The following RPS6KA2 variants were observed in gnomAD, a reference collection of about 807,000 sequenced individuals.
RPS6KA2 encodes ribosomal protein S6 kinase alpha-2.
A neutral mutation model predicts 91.8 loss-of-function variants in RPS6KA2; 42 were observed. The ratio of observed to expected loss-of-function variants is 0.46; its 90% CI spans 0.36 to 0.59. The LOEUF is 0.59. RPS6KA2 is among the 20% of genes least tolerant of loss of function. The pLI is 0.00. For synonymous variants in RPS6KA2, 414 were observed against 393.6 expected (o/e 1.05, Z -0.61); for missense variants, 798 against 978.5 (o/e 0.82, Z 2.46).
At chr6:166,796,340 C>T (rs1779223182) in intron 2 of RPS6KA2, among the ~76,000 whole-genome samples, 1 of 152,184 alleles carries the variant, frequency 6.6e-6, no homozygotes, top group Non-Finnish European at 1.5e-5. Flanking sequence ...CCTGTAATCC[C>T]AGCACTTTGG....
intron 1 of RPS6KA2, among the ~76,000 whole-genome samples, chr6:166,555,745 C>G (rs2128503199): frequency 6.6e-6 from 1 of 152,254 alleles, no homozygotes; most frequent in Admixed American, 6.5e-5. Context: ...TGAAAGGTGA[C>G]ACAGAATCAT....
intron 2 of RPS6KA2, among the ~76,000 whole-genome samples, chr6:166,756,824 C>T (rs11757967): frequency 0.29 from 44,107 of 151,994 alleles, 6,732 homozygotes; most frequent in Middle Eastern, 0.37. Flanking sequence ...CCAGCCTAGG[C>T]AACAACAGCG....
intron 2 of RPS6KA2, among the ~76,000 whole-genome samples, chr6:166,661,606 T>C (rs981807655): frequency 6.6e-6 from 1 of 152,102 alleles, no homozygotes; most frequent in Non-Finnish European, 1.5e-5. Context: ...AGTCTCCCTA[T>C]ATAATAAATA....
At position 166,648,143 on chromosome 6, in the gene RPS6KA2, C is replaced by A. The variant is rs7449690; in HGVS notation, c.124-109359G>T. Among the ~76,000 whole-genome samples, 1 of 151,530 alleles carries A rather than the reference C, an allele frequency of 6.6e-6. No individual in the cohort carries two copies. Among genetic ancestry groups the A allele is most frequent in the Non-Finnish European group, 1.5e-5 (1 of 67,906 alleles). ...ACGCTCATACACATACATGCACACA[C>A]GCACATGGTTACACACCCATGCACA... On this transcript the variant is annotated intron_variant, in intron 2 of 21. Transcript: ENST00000503859. This position sits in a 1 kb window ranked among gnomAD's most constrained non-coding sequence, Gnocchi z 4.8.
intron 5 of RPS6KA2, among the ~76,000 whole-genome samples, chr6:166,507,687 C>A (rs36215963): frequency 6.6e-6 from 1 of 150,504 alleles, no homozygotes; most frequent in African/African-American, 2.4e-5. Flanking sequence ...CAAACACACC[C>A]CCACATATAC....
intron 2 of RPS6KA2, among the ~76,000 whole-genome samples, chr6:166,673,823 T>TTGCC (rs1788546838): frequency 6.6e-6 from 1 of 152,250 alleles, no homozygotes; most frequent in Non-Finnish European, 1.5e-5. Flanking sequence ...CAAACTAAGC[T>TTGCC]TGCCGTAAGA....
chr6:166,447,863 G>A (rs1475297590), intron 14 of RPS6KA2, among the ~76,000 whole-genome samples: 1 of 152,216 alleles, frequency 6.6e-6, no homozygotes, highest in Non-Finnish European at 1.5e-5. Context: ...CTGGGACCTC[G>A]CTCTGCGACA....
intron 1 of RPS6KA2, among the ~76,000 whole-genome samples, chr6:166,570,236 A>G (rs528860845): frequency 2.6e-5 from 4 of 152,242 alleles, no homozygotes; most frequent in Non-Finnish European, 5.9e-5. Flanking sequence ...ACCCTCGGGG[A>G]GCAGCACTGA....
chr6:166,539,590 G>C (rs1307589266), intron 1 of RPS6KA2, among the ~76,000 whole-genome samples: 1 of 152,202 alleles, frequency 6.6e-6, no homozygotes, highest in East Asian at 1.9e-4. Flanking sequence ...TATTTCAGAA[G>C]AAGCAGTCAG....
chr6:166,474,452 C>G (rs1463854864), intron 10 of RPS6KA2, among the ~76,000 whole-genome samples: 1 of 152,186 alleles, frequency 6.6e-6, no homozygotes, highest in East Asian at 1.9e-4. Context: ...TAACCTTTCC[C>G]TCACTTTAAA....
chr6:166,450,997 T>A lies in RPS6KA2; in HGVS notation c.1206+106A>T, dbSNP rs552623242. Reference sequence around the variant, plus strand: ...AGAATTGGTGATTAAAGTCCACCCATCCTAAGCACCCAACCCCCGGGTGAC... The same window carrying A: ...AGAATTGGTGATTAAAGTCCACCCAACCTAAGCACCCAACCCCCGGGTGAC... On this transcript the variant is annotated intron_variant, in intron 13 of 20. Coordinates refer to ENST00000265678, the MANE Select transcript of RPS6KA2 (RefSeq NM_021135.6). The A allele has an allele frequency of 2.9e-3, 3,925 of 1,375,152 alleles. 11 individuals carry two copies. Among genetic ancestry groups the A allele is most frequent in the Middle Eastern group, 5.7e-3 (31 of 5,470 alleles). 85.2% of individuals were successfully genotyped at this position (1,375,152 alleles called of 1,614,324 possible). A position where few individuals can be genotyped will look rare whatever the true frequency, so the allele number is the denominator to read the frequency against.
intron 2 of RPS6KA2, among the ~76,000 whole-genome samples, chr6:166,654,459 C>A (rs1787948394): frequency 6.6e-6 from 1 of 152,184 alleles, no homozygotes; most frequent in African/African-American, 2.4e-5. Flanking sequence ...ACCCAAAATG[C>A]TTCAGTGTGC....
At position 166,643,303 on chromosome 6, in the gene RPS6KA2, G is replaced by A. The variant is rs887379842; in HGVS notation, c.124-104519C>T. ...ACTCTCTAGTTAAAAGACAAAGAGT[G>A]CCAAATAGGTTTACAATAAATTTAG... is the stretch of plus-strand genomic sequence containing the variant. On this transcript the variant is annotated intron_variant, in intron 2 of 21. Transcript: ENST00000503859. Among the ~76,000 whole-genome samples the A allele has an allele frequency of 2.0e-5, 3 of 152,094 alleles. No homozygotes were observed. The South Asian group carries it at 6.2e-4, about 32-fold the overall frequency.
At chr6:166,485,004 G>C (rs1781357631) in intron 10 of RPS6KA2, among the ~76,000 whole-genome samples, 1 of 152,210 alleles carries the variant, frequency 6.6e-6, no homozygotes, top group East Asian at 1.9e-4. Flanking sequence ...CGTGCCGGGG[G>C]AAACCTGAGG....
At chr6:166,446,443 C>G (rs573337691) in intron 14 of RPS6KA2, among the ~76,000 whole-genome samples, 1 of 152,296 alleles carries the variant, frequency 6.6e-6, no homozygotes, top group South Asian at 2.1e-4. Context: ...CCAACTTTGT[C>G]CAGGGAACTT....
Position 166,423,243 on chromosome 6 carries a change from G to T in RPS6KA2, c.1743+13C>A. On this transcript the variant is annotated intron_variant, in intron 17 of 20. Coordinates refer to ENST00000265678, the MANE Select transcript of RPS6KA2 (RefSeq NM_021135.6). This position sits in a 1 kb window ranked among gnomAD's most constrained non-coding sequence, Gnocchi z 4.8. ...GATAGAGAGGCCTGGGTCTGCAGTC[G>T]GGGAATGCTCACCTCCGGGGCCACG... is the stretch of plus-strand genomic sequence containing the variant. 1 of 1,600,960 alleles carries T rather than the reference G, an allele frequency of 6.2e-7. No individual in the cohort carries two copies. The highest frequency in any genetic ancestry group is 1.1e-5 in the South Asian group (1 of 90,416).
chr6:166,583,420 C>T (rs556132692), intron 1 of RPS6KA2, among the ~76,000 whole-genome samples: 4 of 152,296 alleles, frequency 2.6e-5, no homozygotes, highest in South Asian at 2.1e-4. Flanking sequence ...TGTTGAGCAA[C>T]TTCAAAGCAC....
chr6:166,698,323 G>C (rs1042865564), intron 2 of RPS6KA2, among the ~76,000 whole-genome samples: 1 of 152,172 alleles, frequency 6.6e-6, no homozygotes, highest in Non-Finnish European at 1.5e-5. Context: ...GGATGTATCT[G>C]AGTGATGACT....
At chr6:166,702,249 A>G (rs1789546011) in intron 2 of RPS6KA2, 7 of 1,612,806 alleles carry the variant, frequency 4.3e-6, no homozygotes, top group African/African-American at 1.3e-5. Flanking sequence ...GGCAAATCAC[A>G]TGGTTTCTGC....
Sources: gnomAD v4.1 joint callset for allele counts (sites outside exome capture counted in the v4.1 genomes callset) on GRCh38, gnomAD v4.1.1 for gene constraint, Gnocchi (gnomAD v3.1) non-coding constraint, MANE v1.5 for transcripts, NCBI Gene and HGNC (gene_info 2026-07-23, HGNC 2026-07-21) for gene names.